The following PITPNC1 variants were observed in gnomAD, a reference collection of about 807,000 sequenced individuals.
PITPNC1 encodes cytoplasmic phosphatidylinositol transfer protein 1.
Under a neutral mutation model 44.7 loss-of-function variants are expected in PITPNC1, and 18 were observed. The observed-to-expected ratio is 0.40, with a 90% CI of 0.28 to 0.60. PITPNC1 has a LOEUF of 0.60. Ranked by LOEUF, PITPNC1 falls within the 20% of genes least tolerant of loss-of-function variation. The pLI is 0.39. For missense variants in PITPNC1, 290 were observed against 418.4 expected (o/e 0.69, Z 2.68); for synonymous variants, 141 against 149.6 (o/e 0.94, Z 0.42).
At chr17:67,463,517 C>G (rs192661183) in intron 1 of PITPNC1, among the ~76,000 whole-genome samples, 4 of 152,264 alleles carry the variant, frequency 2.6e-5, no homozygotes, top group Admixed American at 6.5e-5. Flanking sequence ...AATTCGGCTT[C>G]CGGAAGTCCT....
intron 5 of PITPNC1, among the ~76,000 whole-genome samples, chr17:67,588,137 G>A (rs565645690): frequency 2.0e-5 from 3 of 152,220 alleles, no homozygotes; most frequent in Admixed American, 2.0e-4. Flanking sequence ...CAGAGTAGCT[G>A]GGACTACAGG....
At chr17:67,606,129 TGAATTG>T (rs570690145) in intron 5 of PITPNC1, among the ~76,000 whole-genome samples, 38 of 152,260 alleles carry the variant, frequency 2.5e-4, no homozygotes, top group South Asian at 1.0e-3. Context: ...ACTGGCTGAC[TGAATTG>T]ATGGAACAGT....
intron 1 of PITPNC1, chr17:67,457,039 T>A (rs1484548331): frequency 6.6e-6 from 1 of 151,994 alleles, no homozygotes; most frequent in African/African-American, 2.4e-5. Flanking sequence ...GGGGTCTCAC[T>A]ATGTTGGCCA....
rs200551679 is a variant in PITPNC1, at chr17:67,419,916, CA to C, written c.48+41725del. On this transcript the variant is annotated intron_variant, in intron 1 of 8. Transcript: ENST00000581322. ...GGAGACCCAGAGCAAGACCCTGTCTCAAAAAAAAAAAGAGAGAGAGAGAGAA... is the reference window on the plus strand; with the variant it reads ...GGAGACCCAGAGCAAGACCCTGTCTCAAAAAAAAAAGAGAGAGAGAGAGAA... 3.7e-3 allele frequency among the ~76,000 whole-genome samples: 523 copies of C among 140,598 alleles called. 2 individuals carry two copies. Among genetic ancestry groups the C allele is most frequent in the African/African-American group, 0.011 (437 of 38,258 alleles). The allele number at this position is 140,598 out of a possible 152,430, so 92.2% of individuals were successfully genotyped here. A position where few individuals can be genotyped will look rare whatever the true frequency, so the allele number is the denominator to read the frequency against.
At chr17:67,404,627 G>A (rs1411839277) in intron 1 of PITPNC1, among the ~76,000 whole-genome samples, 1 of 152,154 alleles carries the variant, frequency 6.6e-6, no homozygotes, top group Non-Finnish European at 1.5e-5. Flanking sequence ...TTTAAAAGCA[G>A]ACTTATAAAA....
At chr17:67,398,496 C>T (rs1322197401) in intron 1 of PITPNC1, among the ~76,000 whole-genome samples, 1 of 132,716 alleles carries the variant, frequency 7.5e-6, no homozygotes, top group Non-Finnish European at 1.6e-5. Flanking sequence ...ATTGGTTGTG[C>T]GACGTGCAGT....
intron 6 of PITPNC1, among the ~76,000 whole-genome samples, chr17:67,664,592 C>T (rs997836127): frequency 2.6e-5 from 4 of 152,096 alleles, no homozygotes; most frequent in African/African-American, 9.6e-5. Flanking sequence ...TTCTCGGCGA[C>T]CTGTATATCT....
chr17:67,593,543 T>C (rs1213879602), intron 5 of PITPNC1, among the ~76,000 whole-genome samples: 1 of 152,048 alleles, frequency 6.6e-6, no homozygotes, highest in African/African-American at 2.4e-5. Context: ...GGATTATAGG[T>C]GCATGCCACC....
chr17:67,382,298 C>G (rs1452910294), intron 1 of PITPNC1, among the ~76,000 whole-genome samples: 1 of 151,580 alleles, frequency 6.6e-6, no homozygotes, highest in African/African-American at 2.4e-5. Context: ...GAAAATAAAG[C>G]TGAACTACTG....
chr17:67,672,811 G>A (rs1016486688), intron 7 of PITPNC1, among the ~76,000 whole-genome samples: 10 of 152,048 alleles, frequency 6.6e-5, no homozygotes, highest in Non-Finnish European at 1.2e-4. Flanking sequence ...CACGTGAGTC[G>A]CTAATGAGTA....
chr17:67,608,019 C>A (rs1039449603), intron 5 of PITPNC1, among the ~76,000 whole-genome samples: 14 of 151,962 alleles, frequency 9.2e-5, no homozygotes, highest in African/African-American at 1.7e-4. Context: ...CATGAGCCAC[C>A]GGCCCCGGCC....
At chr17:67,559,566 C>G (rs1417918051) in intron 4 of PITPNC1, among the ~76,000 whole-genome samples, 2 of 152,162 alleles carry the variant, frequency 1.3e-5, no homozygotes, top group African/African-American at 4.8e-5. Flanking sequence ...CAATTAGGCA[C>G]GGGCCTGAAA....
intron 1 of PITPNC1, among the ~76,000 whole-genome samples, chr17:67,431,417 G>A (rs1384315821): frequency 6.6e-6 from 1 of 151,894 alleles, no homozygotes; most frequent in African/African-American, 2.4e-5. Context: ...ACCCTTTACC[G>A]CTGAGTCAGC....
At chr17:67,557,074 G>A (rs1197786165) in intron 4 of PITPNC1, among the ~76,000 whole-genome samples, 1 of 152,130 alleles carries the variant, frequency 6.6e-6, no homozygotes, top group African/African-American at 2.4e-5. Flanking sequence ...CCACAGACTT[G>A]GGGGCTTGAG....
chr17:67,435,857 G>A (rs1477553204), intron 1 of PITPNC1, among the ~76,000 whole-genome samples: 3 of 152,062 alleles, frequency 2.0e-5, no homozygotes, highest in Admixed American at 6.6e-5. Flanking sequence ...GTCTACCACC[G>A]CACCCTCCCC....
chr17:67,631,647 A>ATATATATATATATATATATATATAT (rs1172723407), intron 5 of PITPNC1, among the ~76,000 whole-genome samples: 1 of 8,814 alleles, frequency 1.1e-4, no homozygotes, highest in Non-Finnish European at 2.7e-4. Flanking sequence ...AAAAAAAAAA[A>ATATATATATATATATATATATATAT]AAAAAAAAAA....
At chr17:67,455,412 G>T (rs2039240912) in intron 1 of PITPNC1, among the ~76,000 whole-genome samples, 1 of 151,934 alleles carries the variant, frequency 6.6e-6, no homozygotes, top group Non-Finnish European at 1.5e-5. Context: ...TAATCACTGG[G>T]TGACAGGGTA....
At chr17:67,570,320 C>T (rs2041035645) in intron 4 of PITPNC1, among the ~76,000 whole-genome samples, 1 of 152,190 alleles carries the variant, frequency 6.6e-6, no homozygotes, top group Non-Finnish European at 1.5e-5. Context: ...AGGATGGAGC[C>T]TGGGACACGT....
chr17:67,599,853 CCT>C (rs577226093), intron 5 of PITPNC1, among the ~76,000 whole-genome samples: 159 of 152,260 alleles, frequency 1.0e-3, no homozygotes, highest in African/African-American at 3.7e-3. Flanking sequence ...GGGTGTATCT[CCT>C]CTGTTCCAAA....
Sources: allele counts gnomAD v4.1 joint callset (sites outside exome capture counted in the v4.1 genomes callset), GRCh38; gene constraint gnomAD v4.1.1; transcripts MANE v1.5; gene names NCBI Gene and HGNC (gene_info 2026-07-23, HGNC 2026-07-21).